SUPT20H: variants seen among roughly 807,000 people sequenced by gnomAD.
SUPT20H encodes transcription factor SPT20 homolog.
In SUPT20H, 82 loss-of-function variants were observed where a neutral mutation model predicts 122.8. The observed-to-expected ratio is 0.67, with a 90% CI of 0.56 to 0.80. The LOEUF (loss-of-function observed/expected upper bound fraction) is 0.80. SUPT20H is among the 30% of genes least tolerant of loss of function. SUPT20H has a pLI of 0.00. For missense variants in SUPT20H, 831 were observed against 921.6 expected (o/e 0.90, Z 1.27); for synonymous variants, 291 against 313.0 (o/e 0.93, Z 0.74).
intron 23 of SUPT20H, 192 bp from the exon 24 acceptor site, chr13:37,012,489 ACTT>A: frequency 2.3e-6 from 1 of 436,738 alleles, no homozygotes; most frequent in Non-Finnish European, 4.1e-6. Flanking sequence ...AACAAAGAAA[ACTT>A]CATTTTTCAG....
At chr13:37,056,089 A>G (rs1259516400) in intron 1 of SUPT20H, among the ~76,000 whole-genome samples, 11 of 152,174 alleles carry the variant, frequency 7.2e-5, no homozygotes, top group African/African-American at 1.2e-4. Context: ...CAGTTAGAAT[A>G]GCGATCATTA....
In SUPT20H at chr13:37,028,153, T is replaced by A. The variant is rs760856943; in HGVS notation, c.1146A>T (p.Pro382=). Residue 382 remains proline, a synonymous_variant, in exon 14 of 26, where the codon CCA becomes CCT. Coordinates refer to ENST00000350612, the MANE Select transcript of SUPT20H (RefSeq NM_001014286.3). The stretch of plus-strand genomic sequence containing the variant: ...TTGTATTTAACAGAACTCACTGTGA[T>A]GGAGACATCTGGCTGTCACTTTCTT... ...ADEESDSQMS[P]SHSSTDDHSN... 3.1e-6 allele frequency: 5 copies of A among 1,602,930 alleles called. No individual in the cohort carries two copies. The East Asian group carries it at 1.1e-4, about 36-fold the overall frequency.
intron 9 of SUPT20H, 135 bp from the exon 10 acceptor site, chr13:37,033,723 A>T: frequency 1.0e-6 from 1 of 958,150 alleles, no homozygotes; most frequent in Non-Finnish European, 1.4e-6. Flanking sequence ...TCAAGTTCCA[A>T]TGTTAGTGTG....
intron 1 of SUPT20H, among the ~76,000 whole-genome samples, chr13:37,058,664 G>C (rs2069810787): frequency 6.6e-6 from 1 of 152,144 alleles, no homozygotes; most frequent in Admixed American, 6.5e-5. Context: ...TACAGAATAA[G>C]GCAATCAGAA....
chr13:37,058,054 A>G (rs1322243095), intron 1 of SUPT20H, among the ~76,000 whole-genome samples: 3 of 150,924 alleles, frequency 2.0e-5, no homozygotes, highest in Non-Finnish European at 4.4e-5. Context: ...ACTTGAGGTC[A>G]GGAATTCGAG....
chr13:37,024,408 A>C lies in SUPT20H; in HGVS notation c.1364T>G (p.Leu455Trp). Residue 455 changes from leucine (L) to tryptophan (W), a missense_variant, in exon 18 of 26, where the codon TTG becomes TGG. Coordinates refer to ENST00000350612, the MANE Select transcript of SUPT20H (RefSeq NM_001014286.3). ...GGGTCGATGTTTTACACCCTTCCCC[A>C]ATACCGAAGACTGAACTGACACGGT... ...TETVSVQSSV[L>W]GKGVKHRPPP... The C allele has an allele frequency of 6.3e-7, 1 of 1,584,066 alleles. No individual in the cohort carries two copies. The highest frequency in any genetic ancestry group is 1.4e-5 in the African/African-American group (1 of 73,428).
At chr13:37,045,424 C>A (rs1183036976) in intron 5 of SUPT20H, 51 bp from the exon 6 acceptor site, 2 of 1,593,226 alleles carry the variant, frequency 1.3e-6, no homozygotes, top group Non-Finnish European at 1.7e-6. Context: ...ATAACCTTAA[C>A]AAATAATGCT....
At chr13:37,028,795 C>A (rs1055320836) in intron 13 of SUPT20H, among the ~76,000 whole-genome samples, 1 of 151,658 alleles carries the variant, frequency 6.6e-6, no homozygotes, top group East Asian at 1.9e-4. Context: ...TAAGCTTGCA[C>A]CCCTGATCCT....
At chr13:37,026,888 AGTATT>A in intron 14 of SUPT20H, 72 bp from the exon 15 acceptor site, 4 of 992,818 alleles carry the variant, frequency 4.0e-6, no homozygotes, top group Non-Finnish European at 5.6e-6. Flanking sequence ...TATTAAATAA[AGTATT>A]TTATGAATAT....
At chr13:37,034,565 A>C (rs1370152724) in intron 9 of SUPT20H, among the ~76,000 whole-genome samples, 2 of 152,246 alleles carry the variant, frequency 1.3e-5, no homozygotes, top group Non-Finnish European at 2.9e-5. Flanking sequence ...TAAGAGTAGA[A>C]GCTGTCTCCA....
chr13:37,020,586 C>T (rs185403766), intron 21 of SUPT20H, among the ~76,000 whole-genome samples: 97 of 152,194 alleles, frequency 6.4e-4, no homozygotes, highest in African/African-American at 2.0e-3. Context: ...AGTCCATTTC[C>T]AGGACTTCTC....
rs190319204 is a variant in SUPT20H, at chr13:37,044,780, T to C, written c.292+467A>G. On this transcript the variant is annotated intron_variant, in intron 6 of 25. Coordinates refer to ENST00000350612, the MANE Select transcript of SUPT20H (RefSeq NM_001014286.3). ...ATAGAAATATTTTAATATGTGAAAA[T>C]TACTCAAAAGGCAGTGAGTCTGCTT... 1.3e-3 allele frequency among the ~76,000 whole-genome samples: 191 copies of C among 152,292 alleles called. 1 individual carries two copies. Among genetic ancestry groups the C allele is most frequent in the African/African-American group, 4.5e-3 (186 of 41,570 alleles).
chr13:37,040,484 C>G lies in SUPT20H; in HGVS notation c.514-26G>C, dbSNP rs547290843. 52 of 1,567,110 alleles carry G rather than the reference C, an allele frequency of 3.3e-5. No homozygotes were observed. The African/African-American group carries it at 6.6e-4, about 20-fold the overall frequency. On this transcript the variant is annotated intron_variant, in intron 8 of 25. Transcript: ENST00000350612. Reference sequence around the variant, plus strand: ...CTAGAAGAAATAAAAATTTAAAAAACTTATTAATCTATGCACAAACATATG... The same window carrying G: ...CTAGAAGAAATAAAAATTTAAAAAAGTTATTAATCTATGCACAAACATATG...
intron 24 of SUPT20H, among the ~76,000 whole-genome samples, chr13:37,011,629 T>C (rs1274701347): frequency 6.6e-6 from 1 of 152,166 alleles, no homozygotes; most frequent in Non-Finnish European, 1.5e-5. Flanking sequence ...CGTCTTCAAC[T>C]GACAGGAAGT....
In SUPT20H at chr13:37,048,490, A is replaced by G; in HGVS notation, c.39+74T>C. On this transcript the variant is annotated intron_variant, in intron 3 of 25. Transcript: ENST00000350612. The stretch of plus-strand genomic sequence containing the variant: ...ATGTGCTCCTTTAAAAATCACATAC[A>G]AAAATCTCTTAAAACTGAGCTTTTG... The G allele has an allele frequency of 1.0e-5, 14 of 1,402,646 alleles. No individual in the cohort carries two copies. The South Asian group carries it at 2.0e-4, about 20-fold the overall frequency. The allele number at this position is 1,402,646 out of a possible 1,614,324, so 86.9% of individuals were successfully genotyped here.
intron 1 of SUPT20H, among the ~76,000 whole-genome samples, chr13:37,055,392 C>A (rs2068713976): frequency 6.6e-6 from 1 of 152,158 alleles, no homozygotes; most frequent in Non-Finnish European, 1.5e-5. Flanking sequence ...TTAACCAAAA[C>A]AGCATGGTAC....
chr13:37,012,338 A>G (rs1162285004), intron 23 of SUPT20H, 41 bp from the exon 24 acceptor site: 1 of 1,520,040 alleles, frequency 6.6e-7, no homozygotes, highest in Non-Finnish European at 9.1e-7. Flanking sequence ...AAGAAAGAAA[A>G]ACAAATTTGA....
At chr13:37,033,671 T>C in intron 9 of SUPT20H, 83 bp from the exon 10 acceptor site, 1 of 1,416,328 alleles carries the variant, frequency 7.1e-7, no homozygotes, top group South Asian at 1.4e-5. Flanking sequence ...TCTAGAAATA[T>C]TCCCTGGAAT....
Position 37,026,802 on chromosome 13 carries a change from T to A in SUPT20H, c.1166A>T (p.Asp389Val). ...QMSPSHSSTDDHSNWFIIGSK... is the reference protein window; with the variant it reads ...QMSPSHSSTDVHSNWFIIGSK... ...ATTTTTTAATTACCAATTTGAATGATCATCTGTGGACGAGCTGAAATATAA... is the reference window on the plus strand; with the variant it reads ...ATTTTTTAATTACCAATTTGAATGAACATCTGTGGACGAGCTGAAATATAA... Residue 389 changes from aspartate to valine, a missense_variant, in exon 15 of 26, where the codon GAT becomes GTT. Coordinates refer to ENST00000350612, the MANE Select transcript of SUPT20H (RefSeq NM_001014286.3). 6.9e-7 allele frequency: 1 copy of A among 1,442,756 alleles called. No homozygotes were observed. Among genetic ancestry groups the A allele is most frequent in the Non-Finnish European group, 9.2e-7 (1 of 1,085,680 alleles). The allele number at this position is 1,442,756 out of a possible 1,614,324, so 89.4% of individuals were successfully genotyped here. A position where few individuals can be genotyped will look rare whatever the true frequency, so the allele number is the denominator to read the frequency against.
Sources: allele counts gnomAD v4.1 joint callset (sites outside exome capture counted in the v4.1 genomes callset), GRCh38; gene constraint gnomAD v4.1.1; transcripts MANE v1.5; gene names NCBI Gene and HGNC (gene_info 2026-07-23, HGNC 2026-07-21).